The following CNTN3 variants were observed in gnomAD, a reference collection of about 807,000 sequenced individuals.
CNTN3 encodes contactin-3.
A neutral mutation model predicts 119.1 loss-of-function variants in CNTN3; 60 were observed. The observed-to-expected ratio is 0.50, with a 90% CI of 0.41 to 0.62. The LOEUF (loss-of-function observed/expected upper bound fraction) is 0.62, where lower values mean the gene tolerates loss of function less well. Among genes scored for constraint, CNTN3 ranks in the 20% least tolerant of loss-of-function variants. CNTN3 has a pLI of 0.00. For synonymous variants in CNTN3, 450 were observed against 438.7 expected (o/e 1.03, Z -0.32); for missense variants, 1,101 against 1,242.4 (o/e 0.89, Z 1.71).
chr3:74,305,163 T>G (rs1455016283), intron 13 of CNTN3, among the ~76,000 whole-genome samples: 1 of 152,244 alleles, frequency 6.6e-6, no homozygotes, highest in African/African-American at 2.4e-5. Context: ...AAACAAGTTA[T>G]GTTTACAAAT....
At position 74,582,783 on chromosome 3, in the gene CNTN3, T is replaced by TGTGTGTG. The variant is rs1704534450; in HGVS notation, c.-81+31607_-81+31608insCACACAC. ...ACCCATCAAGTGCATGTGTATGCAT[T>TGTGTGTG]TGTGTGTGTGTGTGTGTGTGTGTGT... On this transcript the variant is annotated intron_variant, in intron 1 of 22. Transcript: ENST00000263665. Among the ~76,000 whole-genome samples, 15 of 145,094 alleles carry TGTGTGTG rather than the reference T, an allele frequency of 1.0e-4. No individual in the cohort carries two copies. In the East Asian group the frequency reaches 2.4e-3, roughly 23 times the overall value.
chr3:74,365,622 C>T lies in CNTN3; in HGVS notation c.1027G>A (p.Gly343Ser), dbSNP rs372275773. Residue 343 changes from glycine to serine, a missense_variant, in exon 9 of 23, where the codon GGC (glycine) becomes AGC (serine). Gly to Ser is a moderately conservative substitution (Grantham distance 56, BLOSUM62 0). Coordinates refer to ENST00000263665, the MANE Select transcript of CNTN3 (RefSeq NM_020872.3). Reference protein sequence around the residue: ...DSLYWECRASGKPKPSYRWLK... With the variant: ...DSLYWECRASSKPKPSYRWLK... ...CATCGGTAGGAAGGCTTGGGCTTGC[C>T]GCTTGCCCTGCATTCCCAATAAAGA... 1.4e-5 allele frequency: 23 copies of T among 1,613,512 alleles called. No homozygotes were observed. The highest frequency in any genetic ancestry group is 8.9e-5 in the East Asian group (4 of 44,862).
At chr3:74,485,800 T>C (rs1316641057) in intron 4 of CNTN3, among the ~76,000 whole-genome samples, 2 of 151,818 alleles carry the variant, frequency 1.3e-5, no homozygotes, top group Non-Finnish European at 2.9e-5. Flanking sequence ...TGGGTCCAAG[T>C]CCAAATTTCC....
At chr3:74,490,710 C>T (rs891870404) in intron 3 of CNTN3, among the ~76,000 whole-genome samples, 1 of 152,100 alleles carries the variant, frequency 6.6e-6, no homozygotes, top group East Asian at 1.9e-4. Context: ...TCCTTTAGTT[C>T]GGTCTTCATC....
intron 20 of CNTN3, among the ~76,000 whole-genome samples, chr3:74,282,589 C>T (rs1164432719): frequency 1.3e-5 from 2 of 152,066 alleles, no homozygotes; most frequent in African/African-American, 2.4e-5. Flanking sequence ...AGGGGAAGAG[C>T]GATAGCAAGC....
intron 1 of CNTN3, among the ~76,000 whole-genome samples, chr3:74,540,274 T>C (rs1160364075): frequency 1.3e-5 from 2 of 152,118 alleles, no homozygotes; most frequent in African/African-American, 4.8e-5. Flanking sequence ...TGTGAATAGG[T>C]GTAAGGAACA....
chr3:74,362,274 T>C (rs1464367746), intron 10 of CNTN3, among the ~76,000 whole-genome samples: 1 of 152,204 alleles, frequency 6.6e-6, no homozygotes, highest in Non-Finnish European at 1.5e-5. Flanking sequence ...ATGGTGAAGA[T>C]TCAAAGTAGC....
chr3:74,333,755 G>T (rs993068703), intron 13 of CNTN3, among the ~76,000 whole-genome samples: 3 of 152,160 alleles, frequency 2.0e-5, no homozygotes, highest in Non-Finnish European at 1.5e-5. Flanking sequence ...AGTTGCATAT[G>T]ATTTTAATAT....
chr3:74,267,421 A>C (rs1467560008), intron 20 of CNTN3, 43 bp from the exon 21 acceptor site: 3 of 1,382,062 alleles, frequency 2.2e-6, no homozygotes, highest in Non-Finnish European at 3.1e-6. Flanking sequence ...ATCGAAGTAC[A>C]AGTGATATTT....
chr3:74,519,249 C>G (rs1000608918), intron 2 of CNTN3, among the ~76,000 whole-genome samples: 2 of 151,614 alleles, frequency 1.3e-5, no homozygotes, highest in Admixed American at 1.3e-4. Flanking sequence ...TAAATTAATC[C>G]AATTCTCCCT....
chr3:74,536,189 C>A (rs1249770359), intron 1 of CNTN3, among the ~76,000 whole-genome samples: 1 of 151,928 alleles, frequency 6.6e-6, no homozygotes, highest in African/African-American at 2.4e-5. Context: ...CTGTAAGAAC[C>A]AAAACTTTGC....
chr3:74,505,258 C>T (rs770657812), intron 2 of CNTN3, among the ~76,000 whole-genome samples: 19 of 151,916 alleles, frequency 1.3e-4, no homozygotes, highest in East Asian at 3.9e-4. Flanking sequence ...GGTAGCAGCA[C>T]GATTCAACCT....
intron 4 of CNTN3, among the ~76,000 whole-genome samples, chr3:74,470,846 T>G (rs1315485262): frequency 6.7e-6 from 1 of 149,562 alleles, no homozygotes; most frequent in Non-Finnish European, 1.5e-5. Context: ...AGAAAAATAC[T>G]CCATGCCAAA....
intron 14 of CNTN3, 41 bp from the exon 15 acceptor site, chr3:74,301,846 T>C (rs475988): frequency 0.3 from 480,827 of 1,598,132 alleles, 84,581 homozygotes; most frequent in East Asian, 0.73. Context: ...AGCAGTTCCA[T>C]AAATGTCATC....
chr3:74,614,199 A>G (rs1347314665), intron 1 of CNTN3, among the ~76,000 whole-genome samples, 192 bp downstream of exon 1: 1 of 152,228 alleles, frequency 6.6e-6, no homozygotes, highest in Non-Finnish European at 1.5e-5. Flanking sequence ...CTCGCCCCAG[A>G]AGGGGAAAAA....
At chr3:74,512,946 T>C (rs1011534201) in intron 2 of CNTN3, among the ~76,000 whole-genome samples, 2 of 152,186 alleles carry the variant, frequency 1.3e-5, no homozygotes, top group South Asian at 2.1e-4. Context: ...CACACACTCA[T>C]GGGATAAGAA....
At chr3:74,288,154 C>CTTTTTTTTTTTTTTTTTTTTTTTT (rs1299127961) in intron 19 of CNTN3, among the ~76,000 whole-genome samples, 1 of 88,264 alleles carries the variant, frequency 1.1e-5, no homozygotes. Flanking sequence ...CTTTTCTTTT[C>CTTTTTTTTTTTTTTTTTTTTTTTT]TTTTCTTTTT....
At chr3:74,541,905 T>G (rs1448926242) in intron 1 of CNTN3, among the ~76,000 whole-genome samples, 1 of 152,190 alleles carries the variant, frequency 6.6e-6, no homozygotes, top group South Asian at 2.1e-4. Flanking sequence ...CAACTCTCAC[T>G]GCTTGTTTGT....
At chr3:74,481,632 A>G (rs1702764626) in intron 4 of CNTN3, among the ~76,000 whole-genome samples, 1 of 151,918 alleles carries the variant, frequency 6.6e-6, no homozygotes, top group Non-Finnish European at 1.5e-5. Context: ...AAACCATACA[A>G]ATTTATATCA....
Sources: allele counts gnomAD v4.1 joint callset (sites outside exome capture counted in the v4.1 genomes callset), GRCh38; gene constraint gnomAD v4.1.1; transcripts MANE v1.5; gene names NCBI Gene and HGNC (gene_info 2026-07-23, HGNC 2026-07-21).